Variants in KIF1A observed in about 807,000 individuals in gnomAD.
The protein encoded by KIF1A is kinesin-like protein KIF1A.
In KIF1A, 46 loss-of-function variants were observed where a neutral mutation model predicts 227.3. The ratio of observed to expected loss-of-function variants is 0.20; its 90% CI spans 0.16 to 0.26. The LOEUF is 0.26. KIF1A is among the 10% of genes least tolerant of loss of function. The pLI, the probability that KIF1A is intolerant of heterozygous loss-of-function variation, is 1.00. For synonymous variants in KIF1A, 1,022 were observed against 1,012.8 expected (o/e 1.01, Z -0.17); for missense variants, 1,683 against 2,485.9 (o/e 0.68, Z 6.87).
intron 44 of KIF1A, 63 bp from the exon 45 acceptor site, chr2:240,721,101 C>A: frequency 6.3e-7 from 1 of 1,590,774 alleles, no homozygotes; most frequent in East Asian, 2.3e-5. Context: ...TCTGTGGGAG[C>A]TGCTCCCTGT....
At chr2:240,722,831 G>A (rs1030695003) in intron 42 of KIF1A, among the ~76,000 whole-genome samples, 175 bp from the exon 43 acceptor site, 8 of 152,100 alleles carry the variant, frequency 5.3e-5, no homozygotes, top group Admixed American at 1.3e-4. Context: ...AGACCCTGGC[G>A]CCCCGGGGCT....
rs1469283120 is a variant in KIF1A, at chr2:240,775,170, G to A, written c.958+681C>T. 6.6e-6 allele frequency among the ~76,000 whole-genome samples: 1 copy of A among 152,228 alleles called. No homozygotes were observed. The highest frequency in any genetic ancestry group is 1.5e-5 in the Non-Finnish European group (1 of 68,040). ...GCGGTCTGCAATACTGACCTGAGCT[G>A]GGGAGCAAGCATGGCTAGTTGTGGG... is the stretch of plus-strand genomic sequence containing the variant. On this transcript the variant is annotated intron_variant, in intron 11 of 48. Coordinates refer to ENST00000498729, the MANE Select transcript of KIF1A (RefSeq NM_001244008.2). This position sits in a 1 kb window ranked among gnomAD's most constrained non-coding sequence, Gnocchi z 5.5.
chr2:240,724,128 C>A, intron 40 of KIF1A, 92 bp from the exon 41 acceptor site: 1 of 1,108,878 alleles, frequency 9.0e-7, no homozygotes, highest in South Asian at 1.2e-5. Context: ...CACTATCAAA[C>A]GCACAGTCAG....
In KIF1A at chr2:240,798,486, G is replaced by C. The variant is rs146022278; in HGVS notation, c.-60-674C>G. Among the ~76,000 whole-genome samples, 4 of 152,330 alleles carry C rather than the reference G, an allele frequency of 2.6e-5. No individual in the cohort carries two copies. In the East Asian group the frequency reaches 7.7e-4, roughly 29 times the overall value. ...GCAGGAGACAAGTCATGGGGAATTC[G>C]GTACAAGCCAGGGCTGGGGGACCAG... On this transcript the variant is annotated intron_variant, in intron 1 of 48. Transcript: ENST00000498729.
rs895516159 is a variant in KIF1A at position 240,739,830 on chromosome 2, C to T, written c.3901+228G>A. Among the ~76,000 whole-genome samples, 5 of 152,106 alleles carry T rather than the reference C, an allele frequency of 3.3e-5. No homozygotes were observed. Among genetic ancestry groups the T allele is most frequent in the Admixed American group, 3.3e-4 (5 of 15,264 alleles). On this transcript the variant is annotated intron_variant, in intron 37 of 48. Coordinates refer to ENST00000498729, the MANE Select transcript of KIF1A (RefSeq NM_001244008.2). This position sits in a 1 kb window ranked among gnomAD's most constrained non-coding sequence, Gnocchi z 5.6. ...TTTGTGGTATTTTGTCATGGCAGCC[C>T]CAGAACTCCAATACACTGATTAAAC...
Position 240,771,048 on chromosome 2 carries a change from G to T in KIF1A, c.1264C>A (p.Arg422Ser), listed in dbSNP as rs374011613. Reference sequence around the variant, plus strand: ...TGGAGGCTGGACACGGAGGCCGCGCGGCTGGACAGGGCTGAGAGCGAGGAT... The same window carrying T: ...TGGAGGCTGGACACGGAGGCCGCGCTGCTGGACAGGGCTGAGAGCGAGGAT... ...PSSSLSALSSRAASVSSLHER... is the reference protein window; with the variant it reads ...PSSSLSALSSSAASVSSLHER... Residue 422 changes from arginine to serine, a missense_variant, in exon 15 of 49, where the codon CGC becomes AGC. By Grantham distance (110) the Arg-to-Ser change is moderately radical. Transcript: ENST00000498729. 2.5e-6 allele frequency: 4 copies of T among 1,613,228 alleles called. No individual in the cohort carries two copies. Among genetic ancestry groups the T allele is most frequent in the Non-Finnish European group, 3.4e-6 (4 of 1,179,822 alleles).
At chr2:240,731,978 G>T (rs2046692656) in intron 38 of KIF1A, among the ~76,000 whole-genome samples, 1 of 118,106 alleles carries the variant, frequency 8.5e-6, no homozygotes, top group African/African-American at 3.2e-5. Context: ...GAGACTAGGA[G>T]AGGAGCCAAT....
intron 4 of KIF1A, among the ~76,000 whole-genome samples, 189 bp downstream of exon 4, chr2:240,787,862 G>T (rs966137441): frequency 6.6e-6 from 1 of 152,154 alleles, no homozygotes; most frequent in Admixed American, 6.5e-5. Flanking sequence ...CCTGGGGCCT[G>T]GGTCTGCAGC....
chr2:240,757,107 C>T lies in KIF1A; in HGVS notation c.2858+212G>A, dbSNP rs1412034438. 6.6e-6 allele frequency among the ~76,000 whole-genome samples: 1 copy of T among 152,222 alleles called. No homozygotes were observed. The highest frequency in any genetic ancestry group is 1.5e-5 in the Non-Finnish European group (1 of 68,032). On this transcript the variant is annotated intron_variant, in intron 27 of 48. Coordinates refer to ENST00000498729, the MANE Select transcript of KIF1A (RefSeq NM_001244008.2). This position sits in a 1 kb window ranked among gnomAD's most constrained non-coding sequence, Gnocchi z 6.2. ...CAGACTCTTCCCTGCCGGCCCAAAGCGACCGTCTCCAGGATGGGTGAGCAG... is the reference window on the plus strand; with the variant it reads ...CAGACTCTTCCCTGCCGGCCCAAAGTGACCGTCTCCAGGATGGGTGAGCAG...
chr2:240,781,452 CACACACAG>C (rs1559524266), intron 10 of KIF1A, among the ~76,000 whole-genome samples: 1 of 64,196 alleles, frequency 1.6e-5, no homozygotes. Context: ...CACACACACA[CACACACAG>C]CTCCACACAC....
chr2:240,717,989 C>T, intron 48 of KIF1A, 61 bp downstream of exon 48: 1 of 1,097,206 alleles, frequency 9.1e-7, no homozygotes, highest in Non-Finnish European at 1.4e-6. Context: ...ATGGTCCTGG[C>T]CAGGAGCCGG....
intron 1 of KIF1A, among the ~76,000 whole-genome samples, chr2:240,815,560 G>A (rs988273477): frequency 7.2e-5 from 11 of 152,168 alleles, no homozygotes; most frequent in African/African-American, 2.7e-4. Context: ...CCCTGAGAGG[G>A]TGGCCAAAGC....
At chr2:240,751,581 C>T (rs556349871) in intron 27 of KIF1A, among the ~76,000 whole-genome samples, 1 of 152,282 alleles carries the variant, frequency 6.6e-6, no homozygotes, top group South Asian at 2.1e-4. Flanking sequence ...ATCAGTTCCA[C>T]CTCAAAAGTC....
rs2045890923 is a variant in KIF1A at position 240,725,324 on chromosome 2, G to A, written c.4203C>T (p.Ala1401=). 1.9e-6 allele frequency: 3 copies of A among 1,611,504 alleles called. No individual in the cohort carries two copies. The South Asian group carries it at 3.3e-5, about 18-fold the overall frequency. Residue 1401 remains alanine (A), a synonymous_variant, in exon 40 of 49, where the codon GCC becomes GCT. Coordinates refer to ENST00000498729, the MANE Select transcript of KIF1A (RefSeq NM_001244008.2). The surrounding 1 kb of genome is among the most constrained non-coding windows in gnomAD (Gnocchi z 5.8). ...CAAAGAGGTTGCGGATGGAGCGCGA[G>A]GCTGGCAGCTTGGCATCACGGGAAT... ...VFYSRDAKLP[A]SRSIRNLFGS...
At chr2:240,786,780 CCCTGAGTG>C in intron 5 of KIF1A, among the ~76,000 whole-genome samples, 1 of 142,144 alleles carries the variant, frequency 7.0e-6, no homozygotes, top group Non-Finnish European at 1.5e-5. Flanking sequence ...CCATCAGGAC[CCCTGAGTG>C]AGGGGGTGGG....
intron 1 of KIF1A, among the ~76,000 whole-genome samples, chr2:240,803,365 T>C (rs1400259356): frequency 6.6e-6 from 1 of 152,212 alleles, no homozygotes; most frequent in African/African-American, 2.4e-5. Flanking sequence ...GAGCTGTGGT[T>C]GGCTTGGGAA....
Position 240,758,853 on chromosome 2 carries a change from G to A in KIF1A, c.2445-356C>T, listed in dbSNP as rs2050171926. Among the ~76,000 whole-genome samples the A allele has an allele frequency of 6.6e-6, 1 of 152,178 alleles. No homozygotes were observed. The stretch of plus-strand genomic sequence containing the variant: ...GAACCCAAGTGAAGCTCAGAAACGG[G>A]GATCAGGCCACAGAGGCGCAAGAGC... On this transcript the variant is annotated intron_variant, in intron 25 of 48. Coordinates refer to ENST00000498729, the MANE Select transcript of KIF1A (RefSeq NM_001244008.2). The surrounding 1 kb of genome is among the most constrained non-coding windows in gnomAD (Gnocchi z 5.2).
chr2:240,814,936 G>C (rs1292834949), intron 1 of KIF1A, among the ~76,000 whole-genome samples: 1 of 152,170 alleles, frequency 6.6e-6, no homozygotes, highest in Non-Finnish European at 1.5e-5. Context: ...ATAAAATAAA[G>C]ATAACCAAGA....
chr2:240,801,499 G>A (rs1197265449), intron 1 of KIF1A, among the ~76,000 whole-genome samples: 10 of 152,324 alleles, frequency 6.6e-5, no homozygotes, highest in Admixed American at 6.5e-4. Context: ...ATAGGACACA[G>A]TGAAATGGTC....
Sources: allele counts gnomAD v4.1 joint callset (sites outside exome capture counted in the v4.1 genomes callset), GRCh38; gene constraint gnomAD v4.1.1; non-coding constraint Gnocchi (gnomAD v3.1); transcripts MANE v1.5; gene names NCBI Gene and HGNC (gene_info 2026-07-23, HGNC 2026-07-21).